Variants in FBXO33 observed in about 807,000 individuals in gnomAD.
The protein encoded by FBXO33 is F-box only protein 33.
Under a neutral mutation model 46.3 loss-of-function variants are expected in FBXO33, and 22 were observed. That is an observed-to-expected ratio of 0.48 (90% CI 0.34 to 0.68). The LOEUF (loss-of-function observed/expected upper bound fraction) is 0.68. Among genes scored for constraint, FBXO33 ranks in the 30% least tolerant of loss-of-function variants. FBXO33 has a pLI of 0.01. For synonymous variants in FBXO33, 337 were observed against 291.3 expected (o/e 1.16, Z -1.60); for missense variants, 692 against 708.8 (o/e 0.98, Z 0.27).
chr14:39,429,244 G>A (rs979568759), intron 1 of FBXO33, among the ~76,000 whole-genome samples: 1 of 152,126 alleles, frequency 6.6e-6, no homozygotes, highest in Non-Finnish European at 1.5e-5. Context: ...CTGTATAAAG[G>A]AATTCAGCAC....
rs2075565191 is a variant in FBXO33 at position 39,432,180 on chromosome 14, G to T, written c.-18C>A. On this transcript the variant is annotated 5_prime_UTR_variant, in exon 1 of 4. Coordinates refer to ENST00000298097, the MANE Select transcript of FBXO33 (RefSeq NM_203301.4). ...AACAACATCAATGACTAGGAAGAAG[G>T]GGGCGGAACCGTCGTGGGTCTCGGC... 3.3e-6 allele frequency: 4 copies of T among 1,224,812 alleles called. No individual in the cohort carries two copies. The highest frequency in any genetic ancestry group is 4.1e-5 in the South Asian group (1 of 24,508). The allele number at this position is 1,224,812 out of a possible 1,614,324, so 75.9% of individuals were successfully genotyped here. A position where few individuals can be genotyped will look rare whatever the true frequency, so the allele number is the denominator to read the frequency against.
chr14:39,422,226 C>G (rs1335258325), intron 1 of FBXO33, among the ~76,000 whole-genome samples: 2 of 152,132 alleles, frequency 1.3e-5, no homozygotes, highest in African/African-American at 4.8e-5. Flanking sequence ...CCACTGTGTT[C>G]CAGCCTGGGC....
At chr14:39,418,265 G>A (rs1477306955) in intron 1 of FBXO33, among the ~76,000 whole-genome samples, 2 of 149,068 alleles carry the variant, frequency 1.3e-5, no homozygotes, top group African/African-American at 4.9e-5. Flanking sequence ...GGGTTTCAAC[G>A]TGTTAGCCAG....
chr14:39,401,040 T>C (rs2075366217), intron 3 of FBXO33, 136 bp downstream of exon 3: 1 of 799,358 alleles, frequency 1.3e-6, no homozygotes, highest in Admixed American at 3.5e-5. Context: ...TTGCAAACTT[T>C]AAAAAGCATA....
At chr14:39,404,992 C>T (rs565629734) in intron 1 of FBXO33, among the ~76,000 whole-genome samples, 1 of 151,790 alleles carries the variant, frequency 6.6e-6, no homozygotes, top group East Asian at 2.0e-4. Context: ...AATAAAAATA[C>T]AAAAAATTAG....
chr14:39,403,634 T>C (rs2075379011), intron 1 of FBXO33, among the ~76,000 whole-genome samples: 2 of 152,118 alleles, frequency 1.3e-5, no homozygotes, highest in Admixed American at 6.6e-5. Context: ...TTTCTGATAG[T>C]AAAATTGTAA....
intron 1 of FBXO33, among the ~76,000 whole-genome samples, chr14:39,430,968 G>C (rs780146725): frequency 2.0e-5 from 3 of 152,114 alleles, no homozygotes; most frequent in Non-Finnish European, 4.4e-5. Flanking sequence ...GAGTGTGGTG[G>C]TGTATGGGGA....
rs2075372920 is a variant in FBXO33, at chr14:39,402,432, T to G, written c.679A>C (p.Lys227Gln). Reference protein sequence around the residue: ...QGSLSNTYLSKVDPDGKKIKQ... With the variant: ...QGSLSNTYLSQVDPDGKKIKQ... ...ATTTTTTTGCCATCAGGGTCCACCT[T>G]GCTGAGGTATGTATTTGACAAACTT... is the stretch of plus-strand genomic sequence containing the variant. Residue 227 changes from lysine (K) to glutamine (Q), a missense_variant, in exon 2 of 4, where the codon AAG becomes CAG. By Grantham distance (53) the Lys-to-Gln change is moderately conservative. This residue lies in a region of FBXO33 where 412 missense variants were observed against 370.8 expected (regional missense o/e 1.11). Transcript: ENST00000298097. The G allele has an allele frequency of 1.9e-6, 3 of 1,580,438 alleles. No homozygotes were observed. The highest frequency in any genetic ancestry group is 1.8e-5 in the Admixed American group (1 of 56,734).
In FBXO33 at chr14:39,401,479, G is replaced by A. The variant is rs2075368381; in HGVS notation, c.1093C>T (p.Arg365Ter). Residue 365 changes from arginine (R) to a stop codon, truncating the protein, a stop_gained, in exon 3 of 4, where the codon CGA becomes TGA. Coordinates refer to ENST00000298097, the MANE Select transcript of FBXO33 (RefSeq NM_203301.4). LOFTEE classifies it high-confidence loss of function. ...PNDEHWKALS[R>*]KSTSFRVYIM... Reference sequence around the variant, plus strand: ...TAGACCCGAAAGCTGGTGCTCTTTCGTGACAGGGCTTTCCAATGCTCATCA... The same window carrying A: ...TAGACCCGAAAGCTGGTGCTCTTTCATGACAGGGCTTTCCAATGCTCATCA... 4 of 1,614,114 alleles carry A rather than the reference G, an allele frequency of 2.5e-6. No homozygotes were observed. The highest frequency in any genetic ancestry group is 2.5e-6 in the Non-Finnish European group (3 of 1,180,026).
intron 1 of FBXO33, among the ~76,000 whole-genome samples, chr14:39,414,109 T>G: frequency 6.6e-6 from 1 of 152,270 alleles, no homozygotes; most frequent in South Asian, 2.1e-4. Flanking sequence ...TTGTCTACAC[T>G]GAAAAATCTG....
rs747034394 is a variant in FBXO33 at position 39,398,028 on chromosome 14, A to G, written c.*1488T>C. On this transcript the variant is annotated 3_prime_UTR_variant, in exon 4 of 4. Coordinates refer to ENST00000298097, the MANE Select transcript of FBXO33 (RefSeq NM_203301.4). Reference sequence around the variant, plus strand: ...ACACCTGTCAAAAGGTCATTTTAATATAAGATGGTAAAACCATTTGTAAAA... The same window carrying G: ...ACACCTGTCAAAAGGTCATTTTAATGTAAGATGGTAAAACCATTTGTAAAA... 5.2e-5 allele frequency: 8 copies of G among 152,696 alleles called. No homozygotes were observed. Among genetic ancestry groups the G allele is most frequent in the Non-Finnish European group, 7.3e-5 (5 of 68,050 alleles). The allele number at this position is 152,696 out of a possible 1,614,324, so 9.5% of individuals were successfully genotyped here.
intron 3 of FBXO33, among the ~76,000 whole-genome samples, 154 bp downstream of exon 3, chr14:39,401,022 G>T (rs1399722330): frequency 1.3e-5 from 2 of 152,184 alleles, no homozygotes; most frequent in African/African-American, 4.8e-5. Context: ...TTTTGTAAGT[G>T]ATATATCTTG....
intron 1 of FBXO33, among the ~76,000 whole-genome samples, chr14:39,404,344 T>G (rs547613161): frequency 6.6e-6 from 1 of 152,220 alleles, no homozygotes; most frequent in Non-Finnish European, 1.5e-5. Context: ...TTTGTTTGTT[T>G]GAGATGGAGT....
chr14:39,428,289 T>A (rs1439709228), intron 1 of FBXO33, among the ~76,000 whole-genome samples: 1 of 152,136 alleles, frequency 6.6e-6, no homozygotes, highest in Non-Finnish European at 1.5e-5. Flanking sequence ...CACTGCAACC[T>A]CTGCCTCCTG....
chr14:39,425,545 C>T (rs1216254734), intron 1 of FBXO33, among the ~76,000 whole-genome samples: 1 of 152,182 alleles, frequency 6.6e-6, no homozygotes, highest in Non-Finnish European at 1.5e-5. Context: ...AAATAATCCA[C>T]CATCATTGCA....
chr14:39,399,000 A>G lies in FBXO33; in HGVS notation c.*516T>C, dbSNP rs2075356406. 1 of 152,514 alleles carries G rather than the reference A, an allele frequency of 6.6e-6. No individual in the cohort carries two copies. Among genetic ancestry groups the G allele is most frequent in the African/African-American group, 2.4e-5 (1 of 41,448 alleles). 9.4% of individuals were successfully genotyped at this position (152,514 alleles called of 1,614,324 possible). ...ATATCAACTATTAGATATGTAATGA[A>G]AGTTAAAGTCTTGGCTTTTCTGTTA... On this transcript the variant is annotated 3_prime_UTR_variant, in exon 4 of 4. Transcript: ENST00000298097.
chr14:39,399,900 A>G (rs1001764891), intron 3 of FBXO33, 113 bp from the exon 4 acceptor site: 7 of 1,199,778 alleles, frequency 5.8e-6, no homozygotes, highest in African/African-American at 4.6e-5. Context: ...TTTGTATCTC[A>G]CTTACCGTTT....
At chr14:39,415,388 G>A (rs924281198) in intron 1 of FBXO33, among the ~76,000 whole-genome samples, 7 of 152,224 alleles carry the variant, frequency 4.6e-5, no homozygotes, top group African/African-American at 1.4e-4. Context: ...TGCCAATATA[G>A]TTGCTTGATG....
At chr14:39,413,719 C>T (rs1359761400) in intron 1 of FBXO33, among the ~76,000 whole-genome samples, 1 of 152,236 alleles carries the variant, frequency 6.6e-6, no homozygotes, top group Non-Finnish European at 1.5e-5. Context: ...CAACATGAAT[C>T]TCCTGGTTCA....
Sources: allele counts gnomAD v4.1 joint callset (sites outside exome capture counted in the v4.1 genomes callset), GRCh38; gene constraint gnomAD v4.1.1; regional missense constraint gnomAD v4.1.1; transcripts MANE v1.5; gene names NCBI Gene and HGNC (gene_info 2026-07-23, HGNC 2026-07-21).